HSF5: variants seen among roughly 807,000 people sequenced by gnomAD.
HSF5 encodes heat shock transcription factor 5, also known as heat shock factor protein 5.
Under a neutral mutation model 50.8 loss-of-function variants are expected in HSF5, and 5 were observed. The observed-to-expected ratio is 0.10, with a 90% CI of 0.05 to 0.21. HSF5 has a LOEUF of 0.21. Ranked by LOEUF, HSF5 falls within the 10% of genes least tolerant of loss-of-function variation. HSF5 has a pLI of 1.00. For synonymous variants in HSF5, 307 were observed against 307.4 expected, an observed-to-expected ratio of 1.00 and a Z score of 0.02; for missense variants, 564 against 762.6, an observed-to-expected ratio of 0.74 and a Z score of 3.07.
In HSF5 at chr17:58,420,968, T is replaced by C. The variant is rs551691076; in HGVS notation, c.*1392A>G. 6 of 152,746 alleles carry C rather than the reference T, an allele frequency of 3.9e-5. No homozygotes were observed. The highest frequency in any genetic ancestry group is 2.1e-4 in the South Asian group (1 of 4,828). 9.5% of individuals were successfully genotyped at this position (152,746 alleles called of 1,614,324 possible). On this transcript the variant is annotated 3_prime_UTR_variant, in exon 6 of 6. Coordinates refer to ENST00000323777, the MANE Select transcript of HSF5 (RefSeq NM_001080439.3). ...CCACAACGGCTAGCATAGTACTATG[T>C]CATATCACCAAGTGCCTTTTTAATT...
chr17:58,440,599 C>G (rs1192006283), intron 5 of HSF5, among the ~76,000 whole-genome samples: 2 of 152,168 alleles, frequency 1.3e-5, no homozygotes, highest in Non-Finnish European at 2.9e-5. Flanking sequence ...GGAGTAGCCA[C>G]TGTGGTTGAG....
In HSF5 at chr17:58,453,707, A is replaced by G. The variant is rs115172463; in HGVS notation, c.1720+5061T>C. On this transcript the variant is annotated intron_variant, in intron 5 of 5. Coordinates refer to ENST00000323777, the MANE Select transcript of HSF5 (RefSeq NM_001080439.3). ...TGCAAGGAGGGTTCAACATATACAA[A>G]TCAATCAATGTAATACATTACATTA... Among the ~76,000 whole-genome samples, 1,130 of 152,284 alleles carry G rather than the reference A, an allele frequency of 7.4e-3. 14 individuals are homozygous for G. Among genetic ancestry groups the G allele is most frequent in the African/African-American group, 0.025 (1,047 of 41,546 alleles).
At chr17:58,425,339 G>A (rs1169031470) in intron 5 of HSF5, among the ~76,000 whole-genome samples, 4 of 151,840 alleles carry the variant, frequency 2.6e-5, no homozygotes, top group Non-Finnish European at 4.4e-5. Context: ...CTGGGAGGCG[G>A]AGGTTGCAGT....
intron 5 of HSF5, among the ~76,000 whole-genome samples, chr17:58,442,710 G>A (rs564219584): frequency 3.3e-5 from 5 of 152,142 alleles, no homozygotes; most frequent in African/African-American, 9.6e-5. Context: ...GAAGAGATGG[G>A]CTAGACTTAG....
intron 4 of HSF5, among the ~76,000 whole-genome samples, chr17:58,459,183 T>G (rs955762692): frequency 6.6e-6 from 1 of 152,132 alleles, no homozygotes; most frequent in African/African-American, 2.4e-5. Context: ...TGTTGATTTT[T>G]TTTTAACTTA....
chr17:58,476,437 C>T (rs1975012877), intron 2 of HSF5: 3 of 1,063,486 alleles, frequency 2.8e-6, no homozygotes, highest in Non-Finnish European at 4.4e-6. Flanking sequence ...CTGAGTTTAA[C>T]TTGAACGCTT....
chr17:58,475,086 C>CA (rs1465801360), intron 2 of HSF5, among the ~76,000 whole-genome samples: 1 of 151,970 alleles, frequency 6.6e-6, no homozygotes, highest in East Asian at 1.9e-4. Flanking sequence ...CGCCATTCAC[C>CA]AAAAGAGTAA....
chr17:58,482,840 T>TGAGAGG (rs1274881519), intron 1 of HSF5, among the ~76,000 whole-genome samples: 4 of 149,122 alleles, frequency 2.7e-5, no homozygotes, highest in Non-Finnish European at 5.9e-5. Flanking sequence ...GCTAGGAGAC[T>TGAGAGG]GAGATGGGAG....
At position 58,462,832 on chromosome 17, in the gene HSF5, G is replaced by C; in HGVS notation, c.1492C>G (p.Pro498Ala). 1 of 1,613,652 alleles carries C rather than the reference G, an allele frequency of 6.2e-7. No individual in the cohort carries two copies. The highest frequency in any genetic ancestry group is 8.5e-7 in the Non-Finnish European group (1 of 1,179,732). The change falls in exon 4 of 6, where the codon CCA becomes GCA. Residue 498 changes from proline (P) to alanine (A), a missense_variant. By Grantham distance (27) the Pro-to-Ala change is conservative (BLOSUM62 -1). This residue lies in a region of HSF5 where 441 missense variants were observed against 533.6 expected (regional missense o/e 0.83). Coordinates refer to ENST00000323777, the MANE Select transcript of HSF5 (RefSeq NM_001080439.3). ...TCCTGCACAAATACTACTGAAGATG[G>C]AGATGGATTATGATTTAGGTGCTCC... is the stretch of plus-strand genomic sequence containing the variant. The part of the protein sequence containing the change: ...LKEHLNHNPS[P>A]SSVVFVQEGP...
At chr17:58,466,813 C>A in intron 3 of HSF5, 72 bp downstream of exon 3, 1 of 882,406 alleles carries the variant, frequency 1.1e-6, no homozygotes, top group Non-Finnish European at 1.9e-6. Context: ...TAAAATTACA[C>A]TTTGAAATTT....
At chr17:58,436,345 C>CT (rs35322798) in intron 5 of HSF5, among the ~76,000 whole-genome samples, 236 of 145,910 alleles carry the variant, frequency 1.6e-3, no homozygotes, top group African/African-American at 2.5e-3. Context: ...AATTAAAAAA[C>CT]TTTTTTTTTT....
chr17:58,457,141 T>C (rs1260079918), intron 5 of HSF5, among the ~76,000 whole-genome samples: 1 of 151,668 alleles, frequency 6.6e-6, no homozygotes, highest in Non-Finnish European at 1.5e-5. Context: ...GTGCCTGTAA[T>C]CCCAGCTACT....
At chr17:58,468,802 T>C (rs1974907008) in intron 2 of HSF5, among the ~76,000 whole-genome samples, 1 of 152,150 alleles carries the variant, frequency 6.6e-6, no homozygotes, top group Admixed American at 6.6e-5. Context: ...AGTTCAGACA[T>C]AAATATAAAG....
chr17:58,436,167 C>T (rs141287814), intron 5 of HSF5, among the ~76,000 whole-genome samples: 9 of 152,182 alleles, frequency 5.9e-5, no homozygotes, highest in African/African-American at 1.9e-4. Flanking sequence ...ATATGCTGTA[C>T]TGTTTTTAAT....
At chr17:58,435,206 T>C (rs1380602584) in intron 5 of HSF5, among the ~76,000 whole-genome samples, 5 of 152,132 alleles carry the variant, frequency 3.3e-5, no homozygotes, top group African/African-American at 1.2e-4. Context: ...ATATATTGAC[T>C]AGAAAATATT....
At chr17:58,465,882 T>C (rs1268213981) in intron 3 of HSF5, among the ~76,000 whole-genome samples, 1 of 152,172 alleles carries the variant, frequency 6.6e-6, no homozygotes, top group Non-Finnish European at 1.5e-5. Flanking sequence ...AAGTAAAAGT[T>C]GAGCATCCTT....
At position 58,433,915 on chromosome 17, in the gene HSF5, T is replaced by C. The variant is rs1974394096; in HGVS notation, c.1721-11485A>G. On this transcript the variant is annotated intron_variant, in intron 5 of 5. Transcript: ENST00000323777. ...TATGAAGGAAAGGTCAAAGGGATTT[T>C]TTTTTTTTTTTTTTTTAGATGGAGC... Among the ~76,000 whole-genome samples, 2 of 142,750 alleles carry C rather than the reference T, an allele frequency of 1.4e-5. 1 individual carries two copies. The highest frequency in any genetic ancestry group is 4.5e-4 in the South Asian group (2 of 4,402). 93.6% of individuals were successfully genotyped at this position (142,750 alleles called of 152,430 possible).
Position 58,420,460 on chromosome 17 carries a change from A to T in HSF5, c.*1900T>A, listed in dbSNP as rs1156554293. The stretch of plus-strand genomic sequence containing the variant: ...GCTGATTAAGGCATTTCATTAATTA[A>T]GCCTTAAAACAACTGAAACCAAATC... On this transcript the variant is annotated 3_prime_UTR_variant, in exon 6 of 6. Transcript: ENST00000323777. 1 of 152,236 alleles carries T rather than the reference A, an allele frequency of 6.6e-6. No individual in the cohort carries two copies. Among genetic ancestry groups the T allele is most frequent in the African/African-American group, 2.4e-5 (1 of 41,460 alleles). 9.4% of individuals were successfully genotyped at this position (152,236 alleles called of 1,614,324 possible). A position where few individuals can be genotyped will look rare whatever the true frequency, so the allele number is the denominator to read the frequency against.
intron 5 of HSF5, among the ~76,000 whole-genome samples, chr17:58,444,307 T>C (rs1366301206): frequency 6.6e-6 from 1 of 152,202 alleles, no homozygotes; most frequent in Non-Finnish European, 1.5e-5. Flanking sequence ...GGACTCACAC[T>C]TCTTGATTTC....
Sources: allele counts gnomAD v4.1 joint callset (sites outside exome capture counted in the v4.1 genomes callset), GRCh38; gene constraint gnomAD v4.1.1; regional missense constraint gnomAD v4.1.1; transcripts MANE v1.5; gene names NCBI Gene and HGNC (gene_info 2026-07-23, HGNC 2026-07-21).